CCSER1: variants seen among roughly 807,000 people sequenced by gnomAD.
CCSER1 encodes serine-rich coiled-coil domain-containing protein 1.
In CCSER1, 41 loss-of-function variants were observed where a neutral mutation model predicts 82.0. That is an observed-to-expected ratio of 0.50 (90% confidence interval 0.39 to 0.65). CCSER1 has a LOEUF of 0.65. CCSER1 is among the 30% of genes least tolerant of loss of function. CCSER1 has a pLI of 0.00. For missense variants in CCSER1, 1,119 were observed against 1,064.2 expected (o/e 1.05, Z -0.72); for synonymous variants, 414 against 383.9 (o/e 1.08, Z -0.92).
intron 3 of CCSER1, among the ~76,000 whole-genome samples, chr4:90,333,391 T>G (rs1379842952): frequency 6.6e-6 from 1 of 151,594 alleles, no homozygotes; most frequent in African/African-American, 2.4e-5. Context: ...AGAAACAGAA[T>G]AACAGAATTT....
chr4:90,639,507 C>T (rs1348717293), intron 6 of CCSER1, among the ~76,000 whole-genome samples: 1 of 151,846 alleles, frequency 6.6e-6, no homozygotes, highest in Non-Finnish European at 1.5e-5. Flanking sequence ...GTGGTTGTTC[C>T]AGGTGAGAAC....
intron 5 of CCSER1, among the ~76,000 whole-genome samples, chr4:90,541,098 C>T (rs1295653144): frequency 6.6e-6 from 1 of 151,940 alleles, no homozygotes; most frequent in East Asian, 1.9e-4. Flanking sequence ...ACTGGCTTTA[C>T]TTCTTTCATC....
At chr4:90,622,395 A>G (rs987193115) in intron 5 of CCSER1, among the ~76,000 whole-genome samples, 1 of 152,140 alleles carries the variant, frequency 6.6e-6, no homozygotes, top group African/African-American at 2.4e-5. Flanking sequence ...CATTAGGTAT[A>G]TCTCCTAATA....
At chr4:90,620,294 A>G (rs1259421941) in intron 5 of CCSER1, among the ~76,000 whole-genome samples, 6 of 152,324 alleles carry the variant, frequency 3.9e-5, no homozygotes, top group South Asian at 2.1e-4. Flanking sequence ...ATGGTAAAAG[A>G]ACACTGGACT....
intron 8 of CCSER1, among the ~76,000 whole-genome samples, chr4:90,920,012 A>T (rs972389036): frequency 6.6e-6 from 1 of 151,940 alleles, no homozygotes; most frequent in Non-Finnish European, 1.5e-5. Flanking sequence ...TATAAAATTT[A>T]TCTACTACAA....
At chr4:91,560,451 ATAT>A (rs1240950628) in intron 10 of CCSER1, among the ~76,000 whole-genome samples, 3 of 151,666 alleles carry the variant, frequency 2.0e-5, no homozygotes, top group African/African-American at 7.2e-5. Flanking sequence ...ACATACAGTA[ATAT>A]TATTCTTATT....
At chr4:91,331,543 A>G (rs1746955855) in intron 10 of CCSER1, among the ~76,000 whole-genome samples, 2 of 151,918 alleles carry the variant, frequency 1.3e-5, no homozygotes, top group African/African-American at 4.8e-5. Context: ...TACCCTCTTT[A>G]CCTTTCTAGT....
intron 1 of CCSER1, among the ~76,000 whole-genome samples, chr4:90,158,860 C>T (rs570192473): frequency 9.2e-5 from 14 of 152,242 alleles, no homozygotes; most frequent in African/African-American, 2.9e-4. Context: ...CCTGCTTCGG[C>T]TCGCGCAGGG....
chr4:91,331,601 C>A (rs1448962767), intron 10 of CCSER1, among the ~76,000 whole-genome samples: 1 of 152,074 alleles, frequency 6.6e-6, no homozygotes, highest in Non-Finnish European at 1.5e-5. Context: ...ATAAAATCTT[C>A]CTTAACCTCC....
At chr4:90,184,424 T>C (rs1734243665) in intron 1 of CCSER1, among the ~76,000 whole-genome samples, 1 of 152,086 alleles carries the variant, frequency 6.6e-6, no homozygotes, top group Non-Finnish European at 1.5e-5. Context: ...AATTTTTCTT[T>C]AGAGAGTTGT....
intron 10 of CCSER1, among the ~76,000 whole-genome samples, chr4:91,106,885 G>T (rs974400331): frequency 2.0e-5 from 3 of 152,112 alleles, no homozygotes; most frequent in Non-Finnish European, 4.4e-5. Context: ...AATTTTCCCA[G>T]GTTCAGCTAC....
intron 8 of CCSER1, among the ~76,000 whole-genome samples, chr4:90,845,422 G>A (rs1341704099): frequency 1.3e-5 from 2 of 151,216 alleles, no homozygotes; most frequent in Non-Finnish European, 2.9e-5. Flanking sequence ...TTGAAACCTG[G>A]CATATTTAGG....
At chr4:91,349,371 A>G (rs1039996289) in intron 10 of CCSER1, among the ~76,000 whole-genome samples, 2 of 152,104 alleles carry the variant, frequency 1.3e-5, no homozygotes, top group African/African-American at 2.4e-5. Flanking sequence ...AGACAAATTC[A>G]TCTTTAAATA....
chr4:90,265,895 A>C (rs2153450985), intron 1 of CCSER1, among the ~76,000 whole-genome samples: 1 of 152,264 alleles, frequency 6.6e-6, no homozygotes, highest in African/African-American at 2.4e-5. Flanking sequence ...ATAATCTTAC[A>C]GCATTTTTAG....
At chr4:90,178,129 G>T (rs1436434867) in intron 1 of CCSER1, among the ~76,000 whole-genome samples, 1 of 152,050 alleles carries the variant, frequency 6.6e-6, no homozygotes, top group Non-Finnish European at 1.5e-5. Flanking sequence ...AAAATTTTTG[G>T]AATGCATTAG....
rs907463106 is a variant in CCSER1, at chr4:90,368,796, A to T, written c.1510-31240A>T. On this transcript the variant is annotated intron_variant, in intron 3 of 10. Transcript: ENST00000509176. Reference sequence around the variant, plus strand: ...CACACACACACACACTACTAAAAAAATTTAAATGACAACCAAAAAGTCTTT... The same window carrying T: ...CACACACACACACACTACTAAAAAATTTTAAATGACAACCAAAAAGTCTTT... Among the ~76,000 whole-genome samples, 12 of 151,948 alleles carry T rather than the reference A, an allele frequency of 7.9e-5. 1 individual carries two copies. The highest frequency in any genetic ancestry group is 1.2e-4 in the Non-Finnish European group (8 of 67,960).
intron 8 of CCSER1, among the ~76,000 whole-genome samples, chr4:90,837,244 A>G (rs1246620051): frequency 1.3e-5 from 2 of 152,194 alleles, no homozygotes; most frequent in Non-Finnish European, 2.9e-5. Flanking sequence ...TCTTCTAAGT[A>G]TATATCTTTT....
chr4:90,405,953 GA>G (rs112348786), intron 4 of CCSER1, among the ~76,000 whole-genome samples: 25 of 146,222 alleles, frequency 1.7e-4, no homozygotes, highest in Admixed American at 2.7e-4. Flanking sequence ...GTAACAAAAT[GA>G]AAAAAAAAAG....
chr4:91,575,978 T>C (rs1280112319), intron 10 of CCSER1, among the ~76,000 whole-genome samples: 1 of 151,954 alleles, frequency 6.6e-6, no homozygotes, highest in East Asian at 1.9e-4. Context: ...AACTACCATA[T>C]AATGCAGCAA....
Sources: allele counts gnomAD v4.1 joint callset (sites outside exome capture counted in the v4.1 genomes callset), GRCh38; gene constraint gnomAD v4.1.1; transcripts MANE v1.5; gene names NCBI Gene and HGNC (gene_info 2026-07-23, HGNC 2026-07-21).